DNM2: variants seen among roughly 807,000 people sequenced by gnomAD.
DNM2 encodes dynamin 2.
A neutral mutation model predicts 99.0 loss-of-function variants in DNM2; 15 were observed. The observed-to-expected ratio is 0.15, with a 90% CI of 0.10 to 0.23. The LOEUF is 0.23. Among genes scored for constraint, DNM2 ranks in the 10% least tolerant of loss-of-function variants. The pLI is 1.00. For synonymous variants in DNM2, 525 were observed against 481.2 expected (o/e 1.09, Z -1.19); for missense variants, 742 against 1,189.4 (o/e 0.62, Z 5.53).
chr19:10,790,232 C>T (rs146749024), intron 7 of DNM2, among the ~76,000 whole-genome samples: 34 of 152,326 alleles, frequency 2.2e-4, no homozygotes, highest in Admixed American at 5.2e-4. Context: ...CTTCTGTCTC[C>T]GCCTGGTGCA....
chr19:10,824,377 C>A, intron 17 of DNM2: 1 of 219,274 alleles, frequency 4.6e-6, no homozygotes, highest in Non-Finnish European at 9.3e-6. Context: ...TGGTACGTGC[C>A]TGTAATCCCA....
intron 1 of DNM2, among the ~76,000 whole-genome samples, chr19:10,748,468 G>A (rs73923284): frequency 0.017 from 2,589 of 152,244 alleles, 75 homozygotes; most frequent in African/African-American, 0.059. Flanking sequence ...ACCTACCTGC[G>A]GACACTGTGT....
rs568949819 is a variant in DNM2 at position 10,775,619 on chromosome 19, T to C, written c.386-84T>C. ...AAGTCTGAGCCCCGCGCAGGAACTT[T>C]GGTAGTCAGCTGGGTGGCTGCGGGC... On this transcript the variant is annotated intron_variant, in intron 3 of 20. Transcript: ENST00000389253. The surrounding 1 kb of genome is among the most constrained non-coding windows in gnomAD (Gnocchi z 4.3). The C allele has an allele frequency of 6.0e-4, 898 of 1,501,390 alleles. 1 individual carries two copies. The highest frequency in any genetic ancestry group is 7.0e-4 in the Non-Finnish European group (754 of 1,079,446). The allele number at this position is 1,501,390 out of a possible 1,614,324, so 93.0% of individuals were successfully genotyped here. A position where few individuals can be genotyped will look rare whatever the true frequency, so the allele number is the denominator to read the frequency against.
Position 10,817,800 on chromosome 19 carries a change from CGTGT to C in DNM2, c.1672-2166_1672-2163del, listed in dbSNP as rs756219781. Among the ~76,000 whole-genome samples, 28 of 139,450 alleles carry C rather than the reference CGTGT, an allele frequency of 2.0e-4. No individual in the cohort carries two copies. The highest frequency in any genetic ancestry group is 7.0e-4 in the South Asian group (3 of 4,314). 91.5% of individuals were successfully genotyped at this position (139,450 alleles called of 152,430 possible). ...GGTGGGGAGGAGGGGCGCACACACA[CGTGT>C]GTGTGTGTGTGTGCGCGCGCGCGCA... is the stretch of plus-strand genomic sequence containing the variant. On this transcript the variant is annotated intron_variant, in intron 15 of 20. Coordinates refer to ENST00000389253, the MANE Select transcript of DNM2 (RefSeq NM_001005361.3). This position sits in a 1 kb window ranked among gnomAD's most constrained non-coding sequence, Gnocchi z 4.6.
intron 15 of DNM2, among the ~76,000 whole-genome samples, chr19:10,815,413 T>A (rs1356524063): frequency 6.6e-6 from 1 of 152,174 alleles, no homozygotes; most frequent in Non-Finnish European, 1.5e-5. Flanking sequence ...CAACCCTTCG[T>A]GTCTCGTCTC....
At chr19:10,814,699 A>G (rs1599607444) in intron 15 of DNM2, among the ~76,000 whole-genome samples, 1 of 151,380 alleles carries the variant, frequency 6.6e-6, no homozygotes, top group Non-Finnish European at 1.5e-5. Flanking sequence ...TTTAGCTCCC[A>G]CGTATGAGTG....
At chr19:10,778,021 T>TTATG (rs1466445055) in intron 5 of DNM2, among the ~76,000 whole-genome samples, 1 of 145,258 alleles carries the variant, frequency 6.9e-6, no homozygotes, top group Non-Finnish European at 1.5e-5. Context: ...TTTTTTCATT[T>TTATG]TATTTATTTA....
chr19:10,741,029 A>T (rs1466651649), intron 1 of DNM2, among the ~76,000 whole-genome samples: 1 of 152,162 alleles, frequency 6.6e-6, no homozygotes, highest in East Asian at 1.9e-4. Context: ...CCATATGCAC[A>T]TGATAAGAAT....
At chr19:10,737,044 A>G (rs1346211076) in intron 1 of DNM2, among the ~76,000 whole-genome samples, 3 of 152,106 alleles carry the variant, frequency 2.0e-5, no homozygotes, top group African/African-American at 7.2e-5. Flanking sequence ...GCTACTCAGG[A>G]GGCTGAGGTG....
intron 7 of DNM2, among the ~76,000 whole-genome samples, chr19:10,790,749 TGA>T (rs2071726306): frequency 6.6e-6 from 1 of 152,206 alleles, no homozygotes; most frequent in East Asian, 1.9e-4. Context: ...ATTACAGGCA[TGA>T]GCCACCATGC....
chr19:10,799,273 A>G (rs2072046745), intron 11 of DNM2, among the ~76,000 whole-genome samples: 1 of 152,088 alleles, frequency 6.6e-6, no homozygotes, highest in African/African-American at 2.4e-5. Flanking sequence ...GGCCACCACC[A>G]GCCCGCTCCC....
intron 14 of DNM2, chr19:10,810,842 T>TC: frequency 6.5e-6 from 1 of 152,754 alleles, no homozygotes; most frequent in Non-Finnish European, 1.5e-5. Flanking sequence ...CCCACCCCGC[T>TC]CCCCCCGGGT....
In DNM2 at chr19:10,794,417, T is replaced by C. The variant is rs560461627; in HGVS notation, c.1128+562T>C. Among the ~76,000 whole-genome samples, 7 of 150,604 alleles carry C rather than the reference T, an allele frequency of 4.6e-5. No homozygotes were observed. The South Asian group carries it at 1.5e-3, about 32-fold the overall frequency. ...TTTTATACTGTTTACAATGAGCACATAGCATTTTTTATTAAAAAAACAAAC... is the reference window on the plus strand; with the variant it reads ...TTTTATACTGTTTACAATGAGCACACAGCATTTTTTATTAAAAAAACAAAC... On this transcript the variant is annotated intron_variant, in intron 8 of 20. Transcript: ENST00000389253.
intron 1 of DNM2, among the ~76,000 whole-genome samples, chr19:10,739,961 T>G (rs2069683807): frequency 6.6e-6 from 1 of 152,030 alleles, no homozygotes; most frequent in African/African-American, 2.4e-5. Flanking sequence ...TTAAATTTCT[T>G]GTACATCTAT....
intron 13 of DNM2, among the ~76,000 whole-genome samples, chr19:10,808,327 A>G (rs1481267457): frequency 6.6e-6 from 1 of 152,192 alleles, no homozygotes; most frequent in Non-Finnish European, 1.5e-5. Flanking sequence ...CGCTTGCCGT[A>G]GGTAATACAT....
intron 1 of DNM2, among the ~76,000 whole-genome samples, chr19:10,721,046 C>A (rs1599408879): frequency 6.6e-6 from 1 of 152,124 alleles, no homozygotes; most frequent in Admixed American, 6.6e-5. Context: ...TCTCCTCAGT[C>A]CCTCTACCCC....
chr19:10,787,750 C>G (rs2071611921), intron 7 of DNM2, among the ~76,000 whole-genome samples: 1 of 97,770 alleles, frequency 1.0e-5, no homozygotes, highest in Non-Finnish European at 2.0e-5. Flanking sequence ...GCAAGACTGT[C>G]TCAAAAAAAA....
In DNM2 at chr19:10,830,079, C is replaced by T. The variant is rs1329905198; in HGVS notation, c.2292-48C>T. 6.2e-7 allele frequency: 1 copy of T among 1,613,498 alleles called. No individual in the cohort carries two copies. The highest frequency in any genetic ancestry group is 1.7e-5 in the Admixed American group (1 of 60,002). ...GGCAGCCACAGTGGCATGGCGGGGG[C>T]TCCTACTCCATCTGTATCTGTAGCT... On this transcript the variant is annotated intron_variant, in intron 19 of 20. Transcript: ENST00000389253. This position sits in a 1 kb window ranked among gnomAD's most constrained non-coding sequence, Gnocchi z 4.8.
At position 10,811,729 on chromosome 19, in the gene DNM2, A is replaced by G. The variant is rs371213220; in HGVS notation, c.1558-535A>G. 2 of 518,404 alleles carry G rather than the reference A, an allele frequency of 3.9e-6. No individual in the cohort carries two copies. Among genetic ancestry groups the G allele is most frequent in the Admixed American group, 1.9e-5 (1 of 51,534 alleles). The allele number at this position is 518,404 out of a possible 1,614,324, so 32.1% of individuals were successfully genotyped here. On this transcript the variant is annotated intron_variant, in intron 14 of 20. Transcript: ENST00000389253. This position sits in a 1 kb window ranked among gnomAD's most constrained non-coding sequence, Gnocchi z 5.4. ...CGCAGATGACAGCTACAGCCACACAATCCCCATCCATGGGGTCTCCCAGCC... is the reference window on the plus strand; with the variant it reads ...CGCAGATGACAGCTACAGCCACACAGTCCCCATCCATGGGGTCTCCCAGCC...
Sources: gnomAD v4.1 joint callset for allele counts (sites outside exome capture counted in the v4.1 genomes callset) on GRCh38, gnomAD v4.1.1 for gene constraint, Gnocchi (gnomAD v3.1) non-coding constraint, MANE v1.5 for transcripts, NCBI Gene and HGNC (gene_info 2026-07-23, HGNC 2026-07-21) for gene names.